The following MPHOSPH9 variants were observed in gnomAD, a reference collection of about 807,000 sequenced individuals.
The protein encoded by MPHOSPH9 is M-phase phosphoprotein 9.
A neutral mutation model predicts 145.5 loss-of-function variants in MPHOSPH9; 88 were observed. The observed-to-expected ratio is 0.60, with a 90% CI of 0.51 to 0.72. The LOEUF (loss-of-function observed/expected upper bound fraction) is 0.72. Ranked by LOEUF, MPHOSPH9 falls within the 30% of genes least tolerant of loss-of-function variation. The pLI is 0.00. For synonymous variants in MPHOSPH9, 435 were observed against 486.2 expected, an observed-to-expected ratio of 0.89 and a Z score of 1.39; for missense variants, 1,238 against 1,386.6, an observed-to-expected ratio of 0.89 and a Z score of 1.70.
intron 12 of MPHOSPH9, among the ~76,000 whole-genome samples, chr12:123,194,970 A>G (rs1005454335): frequency 6.6e-6 from 1 of 152,186 alleles, no homozygotes; most frequent in East Asian, 1.9e-4. Flanking sequence ...AATAGCTAAT[A>G]AATTGTGGGC....
Position 123,160,742 on chromosome 12 carries a change from ATCAAGCCTCTAAAGCAGAT to A in MPHOSPH9, c.3450+20_3450+38del. The A allele has an allele frequency of 6.3e-7, 1 of 1,586,802 alleles. No individual in the cohort carries two copies. The highest frequency in any genetic ancestry group is 1.1e-5 in the South Asian group (1 of 90,162). On this transcript the variant is annotated intron_variant, in intron 23 of 23. Coordinates refer to ENST00000606320, the MANE Select transcript of MPHOSPH9 (RefSeq NM_022782.4). ...TTAGATAACTGGAACACTGACTGGC[ATCAAGCCTCTAAAGCAGAT>A]TCAAGCTAAGACATTTCACCTGATT...
At chr12:123,165,546 A>G in intron 17 of MPHOSPH9, 69 bp from the exon 18 acceptor site, 1 of 1,347,854 alleles carries the variant, frequency 7.4e-7, no homozygotes, top group Non-Finnish European at 1.0e-6. Flanking sequence ...CCGCCCCCAC[A>G]CCAAACATAC....
At chr12:123,192,453 CAAA>C (rs1215440637) in intron 13 of MPHOSPH9, among the ~76,000 whole-genome samples, 5 of 114,306 alleles carry the variant, frequency 4.4e-5, no homozygotes, top group African/African-American at 6.5e-5. Flanking sequence ...GACTCCATCT[CAAA>C]AAAAAAAAAA....
intron 17 of MPHOSPH9, 49 bp downstream of exon 17, chr12:123,166,606 T>C: frequency 6.3e-7 from 1 of 1,589,930 alleles, no homozygotes; most frequent in Non-Finnish European, 8.5e-7. Flanking sequence ...TTGAAATCTC[T>C]AAGAAAACAT....
chr12:123,156,813 A>G lies in MPHOSPH9; in HGVS notation c.3546T>C (p.Asn1182=). 1.9e-6 allele frequency: 3 copies of G among 1,611,088 alleles called. No homozygotes were observed. The highest frequency in any genetic ancestry group is 2.5e-6 in the Non-Finnish European group (3 of 1,177,878). ...KKFHVLRTSA[N]L is the part of the protein sequence containing the mutation. ...AATTTAATGGCTACAAATCTCAAAG[A>G]TTTGCAGAGGTGCGCAAAACATGGA... Residue 1182 remains asparagine, a synonymous_variant, in exon 24 of 24, where the codon AAT becomes AAC. Transcript: ENST00000606320.
rs773346433 is a variant in MPHOSPH9 at position 123,161,323 on chromosome 12, G to A, written c.3194C>T (p.Pro1065Leu). The A allele has an allele frequency of 8.7e-6, 14 of 1,613,842 alleles. No homozygotes were observed. Among genetic ancestry groups the A allele is most frequent in the Admixed American group, 5.0e-5 (3 of 60,002 alleles). The change falls in exon 22 of 24, where the codon CCG (proline) becomes CTG (leucine). Residue 1065 changes from proline to leucine, a missense_variant. Pro to Leu is a moderately conservative substitution (Grantham distance 98). Around this residue, in one of 3 missense-constraint regions of MPHOSPH9, gnomAD observed 393 missense variants for 462.5 expected, o/e 0.85. Coordinates refer to ENST00000606320, the MANE Select transcript of MPHOSPH9 (RefSeq NM_022782.4). ...NHVNHSSCPE[P>L]VPNGVKKVSV... is the part of the protein sequence containing the mutation. Reference sequence around the variant, plus strand: ...TACTTTCTTCACTCCATTTGGCACCGGTTCAGGGCAAGAGCTATGATTAAC... The same window carrying A: ...TACTTTCTTCACTCCATTTGGCACCAGTTCAGGGCAAGAGCTATGATTAAC...
intron 15 of MPHOSPH9, among the ~76,000 whole-genome samples, chr12:123,177,166 G>A (rs963011672): frequency 2.0e-5 from 3 of 151,818 alleles, no homozygotes; most frequent in African/African-American, 4.8e-5. Context: ...GCGACAGAGT[G>A]AGACTCCGTC....
At chr12:123,189,922 C>T (rs1398205112) in intron 13 of MPHOSPH9, among the ~76,000 whole-genome samples, 5 of 148,998 alleles carry the variant, frequency 3.4e-5, no homozygotes, top group South Asian at 2.1e-4. Flanking sequence ...GGCAATGGAG[C>T]GAGACTCCAT....
chr12:123,177,868 A>C (rs572279445), intron 15 of MPHOSPH9, among the ~76,000 whole-genome samples: 33 of 152,328 alleles, frequency 2.2e-4, no homozygotes, highest in African/African-American at 7.9e-4. Flanking sequence ...AAAAAAAAAA[A>C]AACCTTTCTA....
chr12:123,162,547 C>G (rs952675989), intron 20 of MPHOSPH9: 6 of 185,082 alleles, frequency 3.2e-5, no homozygotes, highest in Admixed American at 1.8e-4. Context: ...TCCGCAAGAG[C>G]CTGACAGAGT....
At chr12:123,222,889 T>G (rs1022756746) in intron 4 of MPHOSPH9, 149 bp downstream of exon 4, 1 of 473,460 alleles carries the variant, frequency 2.1e-6, no homozygotes, top group African/African-American at 2.0e-5. Flanking sequence ...TGAGCTGAGA[T>G]CAAGCCACTG....
rs766326092 is a variant in MPHOSPH9, at chr12:123,164,029, T to C, written c.2829A>G (p.Gln943=). 1.2e-6 allele frequency: 2 copies of C among 1,614,038 alleles called. No homozygotes were observed. The highest frequency in any genetic ancestry group is 1.3e-5 in the African/African-American group (1 of 74,930). ...CCGAATTAAGTCTCTTTTGTCTCTG[T>C]TGGGCACACTTTTCTGGAGAACGAC... ...NASRSPEKCA[Q]QRQKRLNSAS... is the part of the protein sequence containing the mutation. The change falls in exon 19 of 24, where the codon CAA becomes CAG. Residue 943 remains glutamine (Q), a synonymous_variant. Transcript: ENST00000606320.
intron 8 of MPHOSPH9, among the ~76,000 whole-genome samples, chr12:123,209,737 G>GTTTTTTTT (rs531113020): frequency 8.1e-6 from 1 of 123,682 alleles, no homozygotes; most frequent in Non-Finnish European, 1.6e-5. Context: ...TTGTTTTGTT[G>GTTTTTTTT]TTTTTTTTTT....
intron 13 of MPHOSPH9, among the ~76,000 whole-genome samples, chr12:123,193,888 C>T (rs2045820564): frequency 6.7e-6 from 1 of 149,942 alleles, no homozygotes; most frequent in African/African-American, 2.4e-5. Flanking sequence ...TGCCATCGTT[C>T]TAAGTATCTG....
chr12:123,224,135 T>G (rs1324072428), intron 3 of MPHOSPH9, among the ~76,000 whole-genome samples: 2 of 137,670 alleles, frequency 1.5e-5, no homozygotes, highest in East Asian at 2.3e-4. Flanking sequence ...TACACATTTT[T>G]TTTTTTTTTT....
chr12:123,242,769 C>T (rs2047961159), intron 1 of MPHOSPH9, among the ~76,000 whole-genome samples: 2 of 152,230 alleles, frequency 1.3e-5, no homozygotes, highest in Admixed American at 6.5e-5. Flanking sequence ...CTCTCATCTC[C>T]ATCCTTTGTC....
intron 13 of MPHOSPH9, among the ~76,000 whole-genome samples, chr12:123,183,027 A>G (rs753684022): frequency 4.0e-5 from 6 of 151,738 alleles, no homozygotes; most frequent in Non-Finnish European, 8.8e-5. Context: ...CAGCCTGGCC[A>G]ATATGGTAAA....
At chr12:123,224,830 G>A (rs2047371916) in intron 3 of MPHOSPH9, among the ~76,000 whole-genome samples, 1 of 152,194 alleles carries the variant, frequency 6.6e-6, no homozygotes, top group Non-Finnish European at 1.5e-5. Context: ...TTTCAGAAAA[G>A]CATGTCACCA....
Position 123,164,724 on chromosome 12 carries a change from C to T in MPHOSPH9, c.2767+578G>A, listed in dbSNP as rs188295512. Reference sequence around the variant, plus strand: ...GTAAGGCCAGGAGCAGTGGTTCACGCCTGTAATCACAACACTTTGTGTTTA... The same window carrying T: ...GTAAGGCCAGGAGCAGTGGTTCACGTCTGTAATCACAACACTTTGTGTTTA... On this transcript the variant is annotated intron_variant, in intron 18 of 23. Transcript: ENST00000606320. Among the ~76,000 whole-genome samples the T allele has an allele frequency of 3.3e-5, 5 of 152,250 alleles. No homozygotes were observed. The East Asian group carries it at 9.7e-4, about 29-fold the overall frequency.
Sources: gnomAD v4.1 joint callset for allele counts (sites outside exome capture counted in the v4.1 genomes callset) on GRCh38, gnomAD v4.1.1 for gene constraint, gnomAD v4.1.1 regional missense constraint, MANE v1.5 for transcripts, NCBI Gene and HGNC (gene_info 2026-07-23, HGNC 2026-07-21) for gene names.